The following PCDHGA3 variants were observed in gnomAD, a reference collection of about 807,000 sequenced individuals.
PCDHGA3 encodes protocadherin gamma subfamily A, 3, also known as protocadherin gamma-A3.
PCDHGA3 carries 40 observed loss-of-function variants against 58.5 expected under a neutral mutation model. That is an observed-to-expected ratio of 0.68 (90% CI 0.53 to 0.89). The LOEUF is 0.89. PCDHGA3 is among the 40% of genes least tolerant of loss of function. The probability of loss-of-function intolerance (pLI) is 0.00; values close to 1 mark genes in which losing one functional copy is unlikely to be tolerated. For missense variants in PCDHGA3, 1,223 were observed against 1,195.9 expected, an observed-to-expected ratio of 1.02 and a Z score of -0.33; for synonymous variants, 530 against 525.7, an observed-to-expected ratio of 1.01 and a Z score of -0.11.
intron 1 of PCDHGA3, chr5:141,404,997 C>T: frequency 6.2e-7 from 1 of 1,614,034 alleles, no homozygotes; most frequent in East Asian, 2.2e-5. Flanking sequence ...CAGATCCCTG[C>T]AGACCTGGAG....
rs764987054 is a variant in PCDHGA3, at chr5:141,372,683, C to G, written c.2424+26226C>G. 9 of 1,613,826 alleles carry G rather than the reference C, an allele frequency of 5.6e-6. No homozygotes were observed. In the East Asian group the frequency reaches 1.8e-4, roughly 32 times the overall value. On this transcript the variant is annotated intron_variant, in intron 1 of 3. Transcript: ENST00000253812. ...GTGCTGCCTCACATTCCTCAAACACCGAGTTTAAATTTCTCAATATAAAGG... is the reference window on the plus strand; with the variant it reads ...GTGCTGCCTCACATTCCTCAAACACGGAGTTTAAATTTCTCAATATAAAGG...
At chr5:141,404,129 A>C in intron 1 of PCDHGA3, 2 of 1,613,162 alleles carry the variant, frequency 1.2e-6, no homozygotes, top group Non-Finnish European at 1.7e-6. Context: ...TCTATCTTTT[A>C]CATTAGAAAA....
intron 1 of PCDHGA3, chr5:141,403,746 C>G (rs773668506): frequency 1.2e-6 from 2 of 1,613,904 alleles, no homozygotes; most frequent in Non-Finnish European, 8.5e-7. Flanking sequence ...CTTACTGCAA[C>G]AGCCAGCGAC....
chr5:141,362,095 C>T (rs771113210), intron 1 of PCDHGA3: 36 of 1,613,738 alleles, frequency 2.2e-5, no homozygotes, highest in Non-Finnish European at 7.6e-6. Flanking sequence ...ACAGCCGCCA[C>T]TCTCCGCTAC....
At chr5:141,355,553 G>T (rs758635124) in intron 1 of PCDHGA3, 1 of 1,614,014 alleles carries the variant, frequency 6.2e-7, no homozygotes, top group East Asian at 2.2e-5. Context: ...AAGATTTTGC[G>T]GGTAGAGGTG....
At chr5:141,390,390 A>G (rs2092135147) in intron 1 of PCDHGA3, 4 of 1,406,748 alleles carry the variant, frequency 2.8e-6, no homozygotes, top group Middle Eastern at 3.7e-4. Flanking sequence ...GATGTCATGG[A>G]TCATTTTAGG....
At position 141,486,364 on chromosome 5, in the gene PCDHGA3, C is replaced by T; in HGVS notation, c.2425-8443C>T. 1 of 1,614,068 alleles carries T rather than the reference C, an allele frequency of 6.2e-7. No homozygotes were observed. The highest frequency in any genetic ancestry group is 1.1e-5 in the South Asian group (1 of 91,074). On this transcript the variant is annotated intron_variant, in intron 1 of 3. Transcript: ENST00000253812. The surrounding 1 kb of genome is among the most constrained non-coding windows in gnomAD (Gnocchi z 5.0). ...TTCCTGACCACTTGCCATTTGCCCT[C>T]AAGTCTGCCTTCAGGAACCAGTTCT...
chr5:141,395,655 A>G (rs1302159911), intron 1 of PCDHGA3: 1 of 164,294 alleles, frequency 6.1e-6, no homozygotes, highest in East Asian at 1.8e-4. Context: ...GCTTAGCAAA[A>G]GTAAAATATA....
intron 1 of PCDHGA3, chr5:141,375,951 C>A (rs767101939): frequency 6.2e-7 from 1 of 1,613,408 alleles, no homozygotes; most frequent in Non-Finnish European, 8.5e-7. Flanking sequence ...GGCCTGCACA[C>A]GGGCGAGGTG....
At chr5:141,350,887 G>C in intron 1 of PCDHGA3, 1 of 1,614,044 alleles carries the variant, frequency 6.2e-7, no homozygotes, top group Non-Finnish European at 8.5e-7. Flanking sequence ...GCTTAATCCT[G>C]ACTGCCATGG....
At chr5:141,437,459 C>T (rs749625924) in intron 1 of PCDHGA3, among the ~76,000 whole-genome samples, 1 of 152,140 alleles carries the variant, frequency 6.6e-6, no homozygotes, top group Admixed American at 6.5e-5. Context: ...GGAGACTATA[C>T]TATACTTTTA....
chr5:141,478,199 C>G, intron 1 of PCDHGA3: 1 of 1,614,056 alleles, frequency 6.2e-7, no homozygotes, highest in Non-Finnish European at 8.5e-7. Flanking sequence ...CTTTTATCTA[C>G]TTCTTTCTCT....
At chr5:141,494,708 C>T (rs1481947557) in intron 1 of PCDHGA3, 99 bp from the exon 2 acceptor site, 2 of 1,599,566 alleles carry the variant, frequency 1.3e-6, no homozygotes, top group Non-Finnish European at 1.7e-6. Flanking sequence ...CTTCTCTGTG[C>T]CCACTCCCCT....
In PCDHGA3 at chr5:141,495,640, G is replaced by A. The variant is rs149177775; in HGVS notation, c.2483+775G>A. 1.2e-3 allele frequency among the ~76,000 whole-genome samples: 177 copies of A among 152,150 alleles called. 1 individual carries two copies. The highest frequency in any genetic ancestry group is 4.1e-3 in the African/African-American group (171 of 41,498). ...ACCTCAGCCTCAGTCCCTTTCATTT[G>A]TCTACTTGCATTGATCTGTGCCGCC... On this transcript the variant is annotated intron_variant, in intron 2 of 3. Transcript: ENST00000253812.
rs375619778 is a variant in PCDHGA3, at chr5:141,399,361, C to G, written c.2424+52904C>G. 11 of 1,613,960 alleles carry G rather than the reference C, an allele frequency of 6.8e-6. No homozygotes were observed. The Admixed American group carries it at 1.8e-4, about 27-fold the overall frequency. On this transcript the variant is annotated intron_variant, in intron 1 of 3. Transcript: ENST00000253812. ...TGGAACCCTAGACCGAGAGCAAACC[C>G]CGGAGTACAATGTCACCATCACAGC...
intron 1 of PCDHGA3, chr5:141,418,408 A>G (rs2096253819): frequency 8.1e-6 from 13 of 1,614,032 alleles, no homozygotes; most frequent in Non-Finnish European, 1.1e-5. Flanking sequence ...TGGTGGAGAA[A>G]GACAATCCTG....
intron 1 of PCDHGA3, among the ~76,000 whole-genome samples, chr5:141,439,224 T>C (rs989512996): frequency 2.2e-4 from 33 of 152,030 alleles, no homozygotes; most frequent in Middle Eastern, 3.4e-3. Context: ...TGAAAATTCT[T>C]AGAAGCTTCC....
rs894786663 is a variant in PCDHGA3 at position 141,371,734 on chromosome 5, A to G, written c.2424+25277A>G. The G allele has an allele frequency of 1.2e-6, 2 of 1,614,042 alleles. No individual in the cohort carries two copies. Among genetic ancestry groups the G allele is most frequent in the Non-Finnish European group, 1.7e-6 (2 of 1,179,892 alleles). ...ACTCTGCACATCCTTGATGTCAACG[A>G]CAACGTTCCCGTTTTCCACCAGGCC... On this transcript the variant is annotated intron_variant, in intron 1 of 3. Coordinates refer to ENST00000253812, the MANE Select transcript of PCDHGA3 (RefSeq NM_018916.4).
At position 141,344,208 on chromosome 5, in the gene PCDHGA3, C is replaced by T. The variant is rs1423038404; in HGVS notation, c.175C>T (p.Leu59=). The T allele has an allele frequency of 6.2e-7, 1 of 1,613,934 alleles. No individual in the cohort carries two copies. The highest frequency in any genetic ancestry group is 1.3e-5 in the African/African-American group (1 of 74,948). The change falls in exon 1 of 4, where the codon CTG becomes TTG. Residue 59 remains leucine (L), a synonymous_variant. Transcript: ENST00000253812. ...ANDLGLEPRE[L]AERGVRIVSR... is the part of the protein sequence containing the mutation. ...CGACCTGGGGCTAGAGCCCCGGGAG[C>T]TGGCGGAGCGCGGAGTCCGCATCGT...
Sources: allele counts gnomAD v4.1 joint callset (sites outside exome capture counted in the v4.1 genomes callset), GRCh38; gene constraint gnomAD v4.1.1; non-coding constraint Gnocchi (gnomAD v3.1); transcripts MANE v1.5; gene names NCBI Gene and HGNC (gene_info 2026-07-23, HGNC 2026-07-21).